NBAS: variants seen among roughly 807,000 people sequenced by gnomAD.
NBAS encodes the protein NBAS subunit of NRZ tethering complex, also known as NAG/BC035112 fusion.
NBAS carries 219 observed loss-of-function variants against 302.5 expected under a neutral mutation model. That is an observed-to-expected ratio of 0.72 (90% CI 0.65 to 0.81). The LOEUF (loss-of-function observed/expected upper bound fraction) is 0.81, where lower values mean the gene tolerates loss of function less well. Among genes scored for constraint, NBAS ranks in the 30% least tolerant of loss-of-function variants. The pLI, the probability that NBAS is intolerant of heterozygous loss-of-function variation, is 0.00. For synonymous variants in NBAS, 1,118 were observed against 1,021.6 expected (o/e 1.09, Z -1.80); for missense variants, 2,932 against 2,841.6 (o/e 1.03, Z -0.72).
chr2:15,166,379 G>C (rs531451792), downstream of NBAS, among the ~76,000 whole-genome samples: 1 of 152,180 alleles, frequency 6.6e-6, no homozygotes, highest in South Asian at 2.1e-4. Flanking sequence ...CCTCTAATCA[G>C]ACAGCAATCA....
intron 51 of NBAS, among the ~76,000 whole-genome samples, chr2:15,174,584 G>C (rs6755429): frequency 0.58 from 88,533 of 152,130 alleles, 28,321 homozygotes; most frequent in East Asian, 0.85. Context: ...AGTTGTTGGG[G>C]TAGGTCTGCT....
rs116234245 is a variant in NBAS at position 15,519,366 on chromosome 2, T to C, written c.747-8016A>G. Among the ~76,000 whole-genome samples, 1,351 of 152,290 alleles carry C rather than the reference T, an allele frequency of 8.9e-3. 27 individuals carry two copies. The highest frequency in any genetic ancestry group is 0.031 in the African/African-American group (1,304 of 41,556). The stretch of plus-strand genomic sequence containing the variant: ...TTTCTCAAACAACCAGGGATATGAA[T>C]TCATATAGAGGAATAAATATGAGCA... On this transcript the variant is annotated intron_variant, in intron 9 of 51. Coordinates refer to ENST00000281513, the MANE Select transcript of NBAS (RefSeq NM_015909.4).
intron 48 of NBAS, among the ~76,000 whole-genome samples, chr2:15,190,809 C>T (rs1010795655): frequency 9.2e-5 from 14 of 152,072 alleles, no homozygotes; most frequent in South Asian, 2.1e-4. Context: ...AAATGAAATC[C>T]TAATCTTCAT....
At chr2:14,790,200 C>A in the NBAS span, among the ~76,000 whole-genome samples, 1 of 152,212 alleles carries the variant, frequency 6.6e-6, no homozygotes, top group African/African-American at 2.4e-5. Flanking sequence ...ACACTACCCA[C>A]TTACTGCTAA....
chr2:15,155,753 G>A, the NBAS span, among the ~76,000 whole-genome samples: 146 of 152,328 alleles, frequency 9.6e-4, no homozygotes, highest in Non-Finnish European at 1.6e-3. Flanking sequence ...TCTTCCTGCA[G>A]AAGTAATTGC....
At chr2:15,431,507 A>ATC (rs1221383079) in intron 21 of NBAS, among the ~76,000 whole-genome samples, 1 of 152,194 alleles carries the variant, frequency 6.6e-6, no homozygotes. Flanking sequence ...CTAGTGCTAT[A>ATC]TCCTCAGCAC....
At chr2:15,131,768 A>G in the NBAS span, among the ~76,000 whole-genome samples, 1 of 152,220 alleles carries the variant, frequency 6.6e-6, no homozygotes, top group South Asian at 2.1e-4. Context: ...TGCAGGATGT[A>G]CAAGCATGGC....
intron 9 of NBAS, 28 bp downstream of exon 9, chr2:15,534,515 C>G: frequency 6.7e-7 from 1 of 1,488,592 alleles, no homozygotes; most frequent in Non-Finnish European, 9.4e-7. Context: ...CTATGTCCCA[C>G]TAAATATGAG....
chr2:15,324,326 C>T (rs1671964177), intron 38 of NBAS, among the ~76,000 whole-genome samples: 1 of 152,164 alleles, frequency 6.6e-6, no homozygotes, highest in Admixed American at 6.5e-5. Flanking sequence ...TTCATCTCTC[C>T]ACTGGCTGGC....
the NBAS span, among the ~76,000 whole-genome samples, chr2:15,097,647 G>C: frequency 1.3e-5 from 2 of 151,416 alleles, no homozygotes; most frequent in East Asian, 3.9e-4. Context: ...GAGAGCAGGC[G>C]AGCTTTCTGG....
rs140932548 is a variant in NBAS at position 15,267,608 on chromosome 2, T to C, written c.5724+7876A>G. ...GTCTTTAAGACAAATATGCATTAGA[T>C]ATATATCTTTCCTATTTAAAAACTT... On this transcript the variant is annotated intron_variant, in intron 44 of 51. Transcript: ENST00000281513. 3.8e-3 allele frequency among the ~76,000 whole-genome samples: 586 copies of C among 152,304 alleles called. 3 individuals carry two copies. Among genetic ancestry groups the C allele is most frequent in the Admixed American group, 5.9e-3 (90 of 15,298 alleles).
At chr2:15,118,509 T>C in the NBAS span, among the ~76,000 whole-genome samples, 2 of 152,100 alleles carry the variant, frequency 1.3e-5, no homozygotes, top group Non-Finnish European at 2.9e-5. Context: ...ACCTCACCAA[T>C]AGAACGCAAC....
chr2:15,169,880 C>T (rs374685954), intron 51 of NBAS, among the ~76,000 whole-genome samples: 2 of 152,352 alleles, frequency 1.3e-5, no homozygotes, highest in African/African-American at 2.4e-5. Context: ...TGCACACACA[C>T]AGGGCATCTG....
the NBAS span, among the ~76,000 whole-genome samples, chr2:14,987,138 A>G: frequency 1.3e-5 from 2 of 152,170 alleles, no homozygotes; most frequent in African/African-American, 4.8e-5. Flanking sequence ...ATGAAATGCT[A>G]TATCTTTTAA....
intron 40 of NBAS, among the ~76,000 whole-genome samples, chr2:15,295,650 A>G (rs1670516525): frequency 6.6e-6 from 1 of 152,128 alleles, no homozygotes; most frequent in Non-Finnish European, 1.5e-5. Flanking sequence ...CCTCTACTGT[A>G]TAATTCATTT....
At chr2:15,082,807 G>C in the NBAS span, among the ~76,000 whole-genome samples, 1 of 152,214 alleles carries the variant, frequency 6.6e-6, no homozygotes, top group Admixed American at 6.5e-5. Context: ...CCTGGTATCT[G>C]TGTTGGGAGC....
the NBAS span, among the ~76,000 whole-genome samples, chr2:14,937,033 T>G: frequency 3.9e-3 from 587 of 152,284 alleles, 3 homozygotes; most frequent in Admixed American, 5.6e-3. Flanking sequence ...TAGAAGAAGC[T>G]ACCAGCTCAA....
intron 38 of NBAS, among the ~76,000 whole-genome samples, chr2:15,318,002 G>C (rs1388208806): frequency 6.6e-6 from 1 of 152,194 alleles, no homozygotes; most frequent in African/African-American, 2.4e-5. Flanking sequence ...CAGCACAAAA[G>C]GTTGGGTTGC....
chr2:14,911,240 G>C, the NBAS span, among the ~76,000 whole-genome samples: 234 of 152,314 alleles, frequency 1.5e-3, 1 homozygote, highest in African/African-American at 5.2e-3. Context: ...CTGCGAAAAA[G>C]TGGAAATTGC....
Sources: gnomAD v4.1 joint callset for allele counts (sites outside exome capture counted in the v4.1 genomes callset) on GRCh38, gnomAD v4.1.1 for gene constraint, MANE v1.5 for transcripts, NCBI Gene and HGNC (gene_info 2026-07-23, HGNC 2026-07-21) for gene names.